LAMA3: variants seen among roughly 807,000 people sequenced by gnomAD.
The protein encoded by LAMA3 is laminin subunit alpha 3.
A neutral mutation model predicts 402.0 loss-of-function variants in LAMA3; 281 were observed. The observed-to-expected ratio is 0.70, with a 90% CI of 0.63 to 0.77. The LOEUF is 0.77. Among genes scored for constraint, LAMA3 ranks in the 30% least tolerant of loss-of-function variants. LAMA3 has a pLI of 0.00. For synonymous variants in LAMA3, 1,431 were observed against 1,558.4 expected (o/e 0.92, Z 1.93); for missense variants, 3,840 against 4,215.5 (o/e 0.91, Z 2.47).
At chr18:23,780,310 A>G (rs985256346) in intron 11 of LAMA3, among the ~76,000 whole-genome samples, 1 of 146,192 alleles carries the variant, frequency 6.8e-6, no homozygotes, top group South Asian at 2.4e-4. Flanking sequence ...GGGCAGCCTT[A>G]CAGCCAGGGT....
intron 55 of LAMA3, among the ~76,000 whole-genome samples, chr18:23,911,349 G>A (rs1032824932): frequency 2.6e-5 from 4 of 151,980 alleles, no homozygotes; most frequent in Non-Finnish European, 5.9e-5. Flanking sequence ...TTTTGTATTC[G>A]ATCGTTAGGA....
chr18:23,819,742 T>G, intron 18 of LAMA3, 99 bp from the exon 19 acceptor site: 2 of 1,007,672 alleles, frequency 2.0e-6, no homozygotes, highest in Non-Finnish European at 3.2e-6. Flanking sequence ...ACTCTGTCAA[T>G]GTGGTGGAGT....
chr18:23,734,056 T>A (rs2061434705), intron 2 of LAMA3, among the ~76,000 whole-genome samples: 1 of 152,240 alleles, frequency 6.6e-6, no homozygotes, highest in South Asian at 2.1e-4. Flanking sequence ...GCCACGGTGA[T>A]CCTCCATGGC....
intron 32 of LAMA3, among the ~76,000 whole-genome samples, chr18:23,848,909 C>A (rs2063884655): frequency 6.6e-6 from 1 of 152,128 alleles, no homozygotes; most frequent in African/African-American, 2.4e-5. Context: ...GGGCTGTTGG[C>A]TGCATCACTG....
intron 47 of LAMA3, 29 bp downstream of exon 47, chr18:23,899,484 A>G: frequency 6.2e-7 from 1 of 1,609,578 alleles, no homozygotes; most frequent in Non-Finnish European, 8.5e-7. Flanking sequence ...TCTTGCATCC[A>G]GTCCATTCTA....
rs1184798061 is a variant in LAMA3, at chr18:23,798,976, G to A, written c.1604-11390G>A. Among the ~76,000 whole-genome samples, 9 of 152,332 alleles carry A rather than the reference G, an allele frequency of 5.9e-5. No individual in the cohort carries two copies. The East Asian group carries it at 1.7e-3, about 29-fold the overall frequency. Reference sequence around the variant, plus strand: ...GCAATGTCTGTCTGATAGCAATGTTGCAAGATACAATGAAGTAACACGTAT... The same window carrying A: ...GCAATGTCTGTCTGATAGCAATGTTACAAGATACAATGAAGTAACACGTAT... On this transcript the variant is annotated intron_variant, in intron 12 of 74. Transcript: ENST00000313654.
At chr18:23,928,895 GT>G (rs1225898206) in intron 64 of LAMA3, 130 bp downstream of exon 64, 19 of 890,604 alleles carry the variant, frequency 2.1e-5, no homozygotes, top group African/African-American at 3.3e-5. Flanking sequence ...AAATGCTATT[GT>G]ATAGTTCAAC....
intron 2 of LAMA3, among the ~76,000 whole-genome samples, chr18:23,727,997 G>A (rs753520724): frequency 6.6e-6 from 1 of 152,160 alleles, no homozygotes; most frequent in Non-Finnish European, 1.5e-5. Flanking sequence ...GCCTCCCAAA[G>A]TGCTGGCACT....
intron 2 of LAMA3, among the ~76,000 whole-genome samples, chr18:23,743,440 C>T (rs1015797259): frequency 3.9e-5 from 6 of 152,214 alleles, no homozygotes; most frequent in Non-Finnish European, 5.9e-5. Context: ...ATCCATCCAT[C>T]CATCCATCCA....
chr18:23,883,796 G>C (rs1035977295), intron 40 of LAMA3, among the ~76,000 whole-genome samples: 1 of 152,232 alleles, frequency 6.6e-6, no homozygotes. Flanking sequence ...TTTGCAAAGC[G>C]TAGTAGCATC....
intron 67 of LAMA3, among the ~76,000 whole-genome samples, chr18:23,936,901 A>G (rs1378278175): frequency 1.3e-5 from 2 of 152,206 alleles, no homozygotes; most frequent in Admixed American, 1.3e-4. Flanking sequence ...TATGACCTAC[A>G]TCAATTGGAC....
chr18:23,689,890 G>A lies in LAMA3; in HGVS notation c.207G>A (p.Arg69=), dbSNP rs1450013987. ...RIWATATCGE[R]GPGEGRPQPE... Reference sequence around the variant, plus strand: ...GGGCCACCGCCACCTGCGGGGAGAGGGGACCCGGCGAGGGGAGGCCCCAGC... The same window carrying A: ...GGGCCACCGCCACCTGCGGGGAGAGAGGACCCGGCGAGGGGAGGCCCCAGC... The change falls in exon 1 of 75, where the codon AGG becomes AGA. Residue 69 remains arginine, a synonymous_variant. Coordinates refer to ENST00000313654, the MANE Select transcript of LAMA3 (RefSeq NM_198129.4). 3 of 1,539,618 alleles carry A rather than the reference G, an allele frequency of 1.9e-6. No homozygotes were observed. The highest frequency in any genetic ancestry group is 2.6e-6 in the Non-Finnish European group (3 of 1,142,902).
chr18:23,823,481 C>T (rs2063326223), intron 20 of LAMA3, among the ~76,000 whole-genome samples: 1 of 152,150 alleles, frequency 6.6e-6, no homozygotes. Flanking sequence ...AGTTGGGAGC[C>T]CTAGTTATGT....
Position 23,871,619 on chromosome 18 carries a change from A to T in LAMA3, c.4956A>T (p.Glu1652Asp), listed in dbSNP as rs1445121441. The T allele has an allele frequency of 6.2e-7, 1 of 1,613,492 alleles. No individual in the cohort carries two copies. Among genetic ancestry groups the T allele is most frequent in the East Asian group, 2.2e-5 (1 of 44,876 alleles). The change falls in exon 38 of 75, where the codon GAA (glutamate) becomes GAT (aspartate). Residue 1652 changes from glutamate (E) to aspartate (D), a missense_variant. By Grantham distance (45) the Glu-to-Asp change is conservative (BLOSUM62 2). This residue lies in a region of LAMA3 where 2,109 missense variants were observed against 2,376.0 expected (regional missense o/e 0.89). Coordinates refer to ENST00000313654, the MANE Select transcript of LAMA3 (RefSeq NM_198129.4). ...TGSGRIALAV[E>D]ICACPPAYAG... ...GTGGGCGCATAGCACTTGCTGTGGA[A>T]ATCTGTGCCTGCCCCCCTGCCTACG... is the stretch of plus-strand genomic sequence containing the variant.
chr18:23,888,603 C>T (rs2080523858), intron 41 of LAMA3, among the ~76,000 whole-genome samples: 2 of 152,126 alleles, frequency 1.3e-5, no homozygotes, highest in Non-Finnish European at 2.9e-5. Flanking sequence ...CAAGATCACA[C>T]TAGTAAGTAG....
rs939967903 is a variant in LAMA3, at chr18:23,798,015, A to G, written c.1604-12351A>G. 3.3e-5 allele frequency among the ~76,000 whole-genome samples: 5 copies of G among 152,172 alleles called. No homozygotes were observed. The South Asian group carries it at 6.2e-4, about 19-fold the overall frequency. ...TTGACTCTATCTTCAACCACAGAAT[A>G]CAACTGTTAATTTGGTTATTTAGGG... On this transcript the variant is annotated intron_variant, in intron 12 of 74. Coordinates refer to ENST00000313654, the MANE Select transcript of LAMA3 (RefSeq NM_198129.4).
At position 23,954,689 on chromosome 18, in the gene LAMA3, C is replaced by T. The variant is rs766044148; in HGVS notation, c.*41C>T. ...CAGCAAGGAAATTCACCTTCAAAAG[C>T]ACTGATTACCCAATGCACCTCCCTC... On this transcript the variant is annotated 3_prime_UTR_variant, in exon 75 of 75. Coordinates refer to ENST00000313654, the MANE Select transcript of LAMA3 (RefSeq NM_198129.4). The T allele has an allele frequency of 1.8e-5, 29 of 1,604,014 alleles. No individual in the cohort carries two copies. In the Admixed American group the frequency reaches 4.2e-4, roughly 23 times the overall value.
intron 41 of LAMA3, among the ~76,000 whole-genome samples, chr18:23,887,673 C>G (rs1253017242): frequency 6.6e-6 from 1 of 152,186 alleles, no homozygotes; most frequent in Non-Finnish European, 1.5e-5. Flanking sequence ...CAAGGACAGT[C>G]AAGGGTGAAA....
At chr18:23,864,910 G>A (rs766067337) in intron 36 of LAMA3, 27 bp downstream of exon 36, 47 of 1,402,284 alleles carry the variant, frequency 3.4e-5, no homozygotes, top group Non-Finnish European at 4.6e-5. Context: ...GACCTAAGTG[G>A]CAGGAAGTGG....
Sources: allele counts gnomAD v4.1 joint callset (sites outside exome capture counted in the v4.1 genomes callset), GRCh38; gene constraint gnomAD v4.1.1; regional missense constraint gnomAD v4.1.1; transcripts MANE v1.5; gene names NCBI Gene and HGNC (gene_info 2026-07-23, HGNC 2026-07-21).